Variants in WARS1 observed in about 807,000 individuals in gnomAD.
WARS1 encodes the protein tryptophanyl-tRNA synthetase 1.
WARS1 carries 17 observed loss-of-function variants against 47.8 expected under a neutral mutation model. The observed-to-expected ratio is 0.36, with a 90% CI of 0.24 to 0.53. WARS1 has a LOEUF of 0.53. Among genes scored for constraint, WARS1 ranks in the 20% least tolerant of loss-of-function variants. The pLI, the probability that WARS1 is intolerant of heterozygous loss-of-function variation, is 0.91. For synonymous variants in WARS1, 208 were observed against 228.1 expected (o/e 0.91, Z 0.79); for missense variants, 434 against 608.0 (o/e 0.71, Z 3.01).
chr14:100,360,693 G>A (rs115764169), intron 3 of WARS1, 31 bp from the exon 4 acceptor site: 1 of 1,526,128 alleles, frequency 6.6e-7, no homozygotes, highest in African/African-American at 1.4e-5. Flanking sequence ...ACTTTCTTAG[G>A]TGGCAGGAGG....
At chr14:100,339,667 A>C (rs1235209194) in intron 9 of WARS1, among the ~76,000 whole-genome samples, 1 of 151,926 alleles carries the variant, frequency 6.6e-6, no homozygotes, top group Non-Finnish European at 1.5e-5. Flanking sequence ...CAGGAGGAAG[A>C]AAAAAACCAC....
rs1412262881 is a variant in WARS1, at chr14:100,334,530, T to G, written c.*345A>C. ...ACAGAGTGGGTCTTAAGAGTATACT[T>G]GGAACCCTCGGAGTCCTCCATGGAC... On this transcript the variant is annotated 3_prime_UTR_variant, in exon 11 of 11. Coordinates refer to ENST00000392882, the MANE Select transcript of WARS1 (RefSeq NM_004184.4). 2.0e-5 allele frequency: 4 copies of G among 199,668 alleles called. No homozygotes were observed. Among genetic ancestry groups the G allele is most frequent in the Admixed American group, 5.7e-5 (1 of 17,424 alleles). The allele number at this position is 199,668 out of a possible 1,614,324, so 12.4% of individuals were successfully genotyped here. A position where few individuals can be genotyped will look rare whatever the true frequency, so the allele number is the denominator to read the frequency against.
chr14:100,369,517 G>C (rs186056884), intron 1 of WARS1, among the ~76,000 whole-genome samples: 1 of 151,922 alleles, frequency 6.6e-6, no homozygotes, highest in Non-Finnish European at 1.5e-5. Flanking sequence ...ACTTGACTAG[G>C]AGGGGCCCTC....
intron 1 of WARS1, among the ~76,000 whole-genome samples, chr14:100,370,899 C>T (rs1376319930): frequency 6.6e-6 from 1 of 152,000 alleles, no homozygotes; most frequent in Middle Eastern, 3.2e-3. Flanking sequence ...GCTACGTTTG[C>T]GCCACTGTAC....
rs1375920766 is a variant in WARS1 at position 100,369,131 on chromosome 14, G to T, written c.55C>A (p.Gln19Lys). 8.3e-6 allele frequency: 13 copies of T among 1,572,726 alleles called. No individual in the cohort carries two copies. Among genetic ancestry groups the T allele is most frequent in the Non-Finnish European group, 1.1e-5 (13 of 1,151,064 alleles). The change falls in exon 2 of 11, where the codon CAA becomes AAA. Residue 19 changes from glutamine (Q) to lysine (K), a missense_variant. By Grantham distance (53) the Gln-to-Lys change is moderately conservative (BLOSUM62 1). This residue lies in a region of WARS1 where 87 missense variants were observed against 84.2 expected (regional missense o/e 1.03). Coordinates refer to ENST00000392882, the MANE Select transcript of WARS1 (RefSeq NM_004184.4). ...LLELFNSIAT[Q>K]GELVRSLKAG... ...TTGAGGGACCTTACGAGCTCCCCTT[G>T]TGTGGCGATGCTGTTGAACAGCTCC...
At chr14:100,338,271 A>AC (rs1555377517) in intron 9 of WARS1, among the ~76,000 whole-genome samples, 2 of 147,262 alleles carry the variant, frequency 1.4e-5, no homozygotes, top group Non-Finnish European at 3.0e-5. Context: ...TGTCACCCTA[A>AC]TTTTTTTTTT....
At chr14:100,346,540 A>G (rs1291462482) in intron 7 of WARS1, among the ~76,000 whole-genome samples, 2 of 152,316 alleles carry the variant, frequency 1.3e-5, no homozygotes, top group Admixed American at 1.3e-4. Context: ...GCTTCACCCA[A>G]CCCAGAGAAG....
At chr14:100,362,271 C>A (rs1380829371) in intron 2 of WARS1, among the ~76,000 whole-genome samples, 1 of 152,198 alleles carries the variant, frequency 6.6e-6, no homozygotes, top group South Asian at 2.1e-4. Flanking sequence ...TTCTCAAACA[C>A]CACTGATGCC....
Position 100,366,627 on chromosome 14 carries a change from T to C in WARS1, c.99+2460A>G, listed in dbSNP as rs916621272. Reference sequence around the variant, plus strand: ...TGAGAGGTCAGATTGCTGTCAGACATGGCCCATGGACATGGACATGAGCAT... The same window carrying C: ...TGAGAGGTCAGATTGCTGTCAGACACGGCCCATGGACATGGACATGAGCAT... On this transcript the variant is annotated intron_variant, in intron 2 of 10. Transcript: ENST00000392882. 23 of 752,352 alleles carry C rather than the reference T, an allele frequency of 3.1e-5. No homozygotes were observed. In the East Asian group the frequency reaches 5.7e-4, roughly 19 times the overall value. The allele number at this position is 752,352 out of a possible 1,614,324, so 46.6% of individuals were successfully genotyped here.
chr14:100,348,865 G>C (rs1459089378), intron 6 of WARS1, among the ~76,000 whole-genome samples: 1 of 152,234 alleles, frequency 6.6e-6, no homozygotes, highest in Non-Finnish European at 1.5e-5. Flanking sequence ...TAGAAGACTG[G>C]TCATTACTTG....
At chr14:100,374,161 A>C (rs1472946739) in intron 1 of WARS1, 1 of 152,252 alleles carries the variant, frequency 6.6e-6, no homozygotes, top group African/African-American at 2.4e-5. Flanking sequence ...TGAGATGCCA[A>C]AAGGTTAAGG....
At chr14:100,346,984 C>A (rs1237159310) in intron 6 of WARS1, 138 bp from the exon 7 acceptor site, 1 of 721,000 alleles carries the variant, frequency 1.4e-6, no homozygotes, top group Non-Finnish European at 2.4e-6. Context: ...CACGTAAGCA[C>A]TGGGAAGGTG....
intron 1 of WARS1, among the ~76,000 whole-genome samples, chr14:100,372,849 ATCCCTGCTGC>A (rs1235543392): frequency 6.6e-6 from 1 of 152,118 alleles, no homozygotes; most frequent in African/African-American, 2.4e-5. Context: ...CTCTCTCAGA[ATCCCTGCTGC>A]TCCCTGCTGC....
At chr14:100,368,033 T>A (rs959373152) in intron 2 of WARS1, among the ~76,000 whole-genome samples, 1 of 152,070 alleles carries the variant, frequency 6.6e-6, no homozygotes, top group Non-Finnish European at 1.5e-5. Context: ...GGGTCGACAG[T>A]GAAGAAAGAC....
chr14:100,355,109 A>G (rs1227983418), intron 4 of WARS1, among the ~76,000 whole-genome samples: 1 of 152,166 alleles, frequency 6.6e-6, no homozygotes, highest in African/African-American at 2.4e-5. Flanking sequence ...AAGTCACTCA[A>G]GAGTCATCCC....
At position 100,369,086 on chromosome 14, in the gene WARS1, C is replaced by A; in HGVS notation, c.99+1G>T. 6.5e-7 allele frequency: 1 copy of A among 1,547,886 alleles called. No individual in the cohort carries two copies. The highest frequency in any genetic ancestry group is 8.8e-7 in the Non-Finnish European group (1 of 1,136,060). The stretch of plus-strand genomic sequence containing the variant: ...GTGGAGAACCCAGCAAAATCATGTA[C>A]CTTTGACGCATTTCCCGCTTTGAGG... On this transcript the variant is annotated splice_donor_variant, in intron 2 of 10. Transcript: ENST00000392882. LOFTEE classifies it high-confidence loss of function.
intron 6 of WARS1, 134 bp downstream of exon 6, chr14:100,353,553 T>C (rs1368833521): frequency 8.7e-7 from 1 of 1,149,422 alleles, no homozygotes; most frequent in East Asian, 2.5e-5. Flanking sequence ...TGGCCACTCA[T>C]AGCATTTAAT....
At chr14:100,368,044 G>A (rs1358713308) in intron 2 of WARS1, among the ~76,000 whole-genome samples, 3 of 152,148 alleles carry the variant, frequency 2.0e-5, no homozygotes, top group Admixed American at 1.3e-4. Flanking sequence ...GAAGAAAGAC[G>A]CCAAGATGGG....
chr14:100,365,579 C>CAAA (rs34591719), intron 2 of WARS1: 48 of 86,672 alleles, frequency 5.5e-4, no homozygotes, highest in South Asian at 3.0e-3. Flanking sequence ...GACTCAGCCT[C>CAAA]AAAAAAAAAA....
Sources: gnomAD v4.1 joint callset for allele counts (sites outside exome capture counted in the v4.1 genomes callset) on GRCh38, gnomAD v4.1.1 for gene constraint, gnomAD v4.1.1 regional missense constraint, MANE v1.5 for transcripts, NCBI Gene and HGNC (gene_info 2026-07-23, HGNC 2026-07-21) for gene names.